The following TMIGD3 variants were observed in gnomAD, a reference collection of about 807,000 sequenced individuals.
TMIGD3 encodes transmembrane and immunoglobulin domain containing 3.
TMIGD3 carries 21 observed loss-of-function variants against 28.1 expected under a neutral mutation model. The ratio of observed to expected loss-of-function variants is 0.75; its 90% CI spans 0.53 to 1.08. The LOEUF (loss-of-function observed/expected upper bound fraction) is 1.08, where lower values mean the gene tolerates loss of function less well. TMIGD3 is among the 50% of genes least tolerant of loss of function. The pLI is 0.00. For synonymous variants in TMIGD3, 151 were observed against 162.1 expected (o/e 0.93, Z 0.52); for missense variants, 416 against 435.6 (o/e 0.96, Z 0.40).
At chr1:111,507,625 C>T (rs1315637647), upstream of TMIGD3, among the ~76,000 whole-genome samples, 1 of 152,186 alleles carries the variant, frequency 6.6e-6, no homozygotes, top group Non-Finnish European at 1.5e-5. Context: ...CTCTGGAGCC[C>T]TAGAGCTGGT....
intron 1 of TMIGD3, among the ~76,000 whole-genome samples, chr1:111,559,947 G>A (rs1417238424): frequency 6.6e-6 from 1 of 152,164 alleles, no homozygotes; most frequent in Non-Finnish European, 1.5e-5. Context: ...GTAGGATTTA[G>A]CACTTATCAG....
chr1:111,516,455 T>C (rs1279172565), intron 1 of TMIGD3, among the ~76,000 whole-genome samples: 1 of 152,134 alleles, frequency 6.6e-6, no homozygotes, highest in Non-Finnish European at 1.5e-5. Flanking sequence ...TTCTTCTCCT[T>C]AGACTTCCGC....
intron 1 of TMIGD3, among the ~76,000 whole-genome samples, chr1:111,509,621 G>A (rs1310680921): frequency 6.6e-6 from 1 of 152,162 alleles, no homozygotes; most frequent in Non-Finnish European, 1.5e-5. Flanking sequence ...CTACCAAATG[G>A]GACAAAACTT....
intron 1 of TMIGD3, among the ~76,000 whole-genome samples, chr1:111,494,217 C>T (rs749582706): frequency 2.0e-5 from 3 of 152,170 alleles, no homozygotes; most frequent in African/African-American, 4.8e-5. Context: ...GGACTCAAAG[C>T]AGTCAGGCAA....
chr1:111,535,834 G>T (rs1419859272), intron 1 of TMIGD3, among the ~76,000 whole-genome samples: 1 of 152,182 alleles, frequency 6.6e-6, no homozygotes, highest in East Asian at 1.9e-4. Flanking sequence ...GTTAGCCATT[G>T]AGCTCTAGAA....
At chr1:111,518,406 A>C (rs1557832681) in intron 1 of TMIGD3, among the ~76,000 whole-genome samples, 1 of 152,252 alleles carries the variant, frequency 6.6e-6, no homozygotes, top group Non-Finnish European at 1.5e-5. Flanking sequence ...CTGAATGTGC[A>C]CTGTAGGATG....
intron 1 of TMIGD3, among the ~76,000 whole-genome samples, chr1:111,553,300 G>C (rs1657346184): frequency 6.6e-6 from 1 of 152,188 alleles, no homozygotes; most frequent in South Asian, 2.1e-4. Flanking sequence ...GGATTCCTCA[G>C]CTCTGGCAAA....
In TMIGD3 at chr1:111,503,488, C is replaced by T; in HGVS notation, c.-134G>A. On this transcript the variant is annotated 5_prime_UTR_variant, in exon 1 of 6. Transcript: ENST00000369716. Reference sequence around the variant, plus strand: ...GTGACAGTCTAAAATTCCCAACTTGCTCATTCCTACCCTTTTCTGGTGGGG... The same window carrying T: ...GTGACAGTCTAAAATTCCCAACTTGTTCATTCCTACCCTTTTCTGGTGGGG... 1 of 1,453,286 alleles carries T rather than the reference C, an allele frequency of 6.9e-7. No individual in the cohort carries two copies. The highest frequency in any genetic ancestry group is 9.1e-7 in the Non-Finnish European group (1 of 1,102,886). 90.0% of individuals were successfully genotyped at this position (1,453,286 alleles called of 1,614,324 possible).
chr1:111,509,019 C>T (rs999944248), intron 1 of TMIGD3, among the ~76,000 whole-genome samples: 5 of 152,192 alleles, frequency 3.3e-5, no homozygotes, highest in African/African-American at 1.2e-4. Flanking sequence ...TGCTTGAACC[C>T]GGGAGGCGGA....
intron 1 of TMIGD3, among the ~76,000 whole-genome samples, chr1:111,492,647 C>G (rs1024993242): frequency 6.6e-6 from 1 of 152,016 alleles, no homozygotes; most frequent in Non-Finnish European, 1.5e-5. Flanking sequence ...AACCCCATCT[C>G]TACTATAAAT....
chr1:111,507,884 C>G (rs948325017), upstream of TMIGD3, among the ~76,000 whole-genome samples: 8 of 152,250 alleles, frequency 5.3e-5, no homozygotes, highest in South Asian at 2.1e-4. Context: ...GCCCCTCCCC[C>G]ACCACTCTCC....
Position 111,486,584 on chromosome 1 carries a change from A to G in TMIGD3, c.872+2T>C. 3.1e-6 allele frequency: 5 copies of G among 1,611,736 alleles called. No homozygotes were observed. Among genetic ancestry groups the G allele is most frequent in the Non-Finnish European group, 4.2e-6 (5 of 1,178,652 alleles). On this transcript the variant is annotated splice_donor_variant, in intron 4 of 5. Transcript: ENST00000369716. LOFTEE classifies it high-confidence loss of function. ...CATTCATCCGCCAAGACTATGACTC[A>G]CCTGGAGCGGTCAGCCTTGCGGACA...
At chr1:111,560,428 T>C (rs952579737) in intron 1 of TMIGD3, among the ~76,000 whole-genome samples, 2 of 135,218 alleles carry the variant, frequency 1.5e-5, no homozygotes. Context: ...GAATAGACTT[T>C]GTGGAACAGA....
chr1:111,550,692 C>T lies in TMIGD3; in HGVS notation c.107+13154G>A, dbSNP rs547617560. Among the ~76,000 whole-genome samples, 5 of 152,334 alleles carry T rather than the reference C, an allele frequency of 3.3e-5. No individual in the cohort carries two copies. The South Asian group carries it at 1.0e-3, about 32-fold the overall frequency. On this transcript the variant is annotated intron_variant, in intron 1 of 5. Coordinates refer to the TMIGD3 transcript ENST00000369717. The stretch of plus-strand genomic sequence containing the variant: ...TCCAACATTTTAAAAGATGGGGTCT[C>T]ACTATGTTGCCCAGCAGGCCTTGAA...
intron 1 of TMIGD3, among the ~76,000 whole-genome samples, chr1:111,541,628 G>T (rs1316500551): frequency 6.6e-6 from 1 of 151,834 alleles, no homozygotes; most frequent in Admixed American, 6.6e-5. Flanking sequence ...GTACTCAATT[G>T]TTATAATCAC....
At chr1:111,496,159 T>G (rs985608470) in intron 1 of TMIGD3, among the ~76,000 whole-genome samples, 1 of 152,122 alleles carries the variant, frequency 6.6e-6, no homozygotes, top group Non-Finnish European at 1.5e-5. Context: ...AATAAAAGTT[T>G]AAAACATAAA....
chr1:111,562,570 G>GCTTGTCCCATA (rs1553208611), intron 1 of TMIGD3, among the ~76,000 whole-genome samples: 1 of 152,210 alleles, frequency 6.6e-6, no homozygotes, highest in African/African-American at 2.4e-5. Context: ...TTTGTGTCAT[G>GCTTGTCCCATA]CTTGTCCCAT....
chr1:111,506,350 G>A (rs553249848), upstream of TMIGD3, among the ~76,000 whole-genome samples: 5 of 152,226 alleles, frequency 3.3e-5, no homozygotes, highest in Admixed American at 6.5e-5. Flanking sequence ...ATAAATCAGC[G>A]AGGACTCTTA....
At chr1:111,500,317 T>C (rs755987513) in intron 1 of TMIGD3, 6 of 1,614,214 alleles carry the variant, frequency 3.7e-6, no homozygotes, top group Non-Finnish European at 2.5e-6. Flanking sequence ...GATGTCAAGA[T>C]AGATGGCGCA....
Sources: allele counts gnomAD v4.1 joint callset (sites outside exome capture counted in the v4.1 genomes callset), GRCh38; gene constraint gnomAD v4.1.1; transcripts MANE v1.5; gene names NCBI Gene and HGNC (gene_info 2026-07-23, HGNC 2026-07-21).